The following ARMC2 variants were observed in gnomAD, a reference collection of about 807,000 sequenced individuals.
ARMC2 encodes armadillo repeat containing 2, also known as armadillo repeat-containing protein 2.
ARMC2 carries 67 observed loss-of-function variants against 90.3 expected under a neutral mutation model. That is an observed-to-expected ratio of 0.74 (90% confidence interval 0.61 to 0.91). The LOEUF is 0.91. Among genes scored for constraint, ARMC2 ranks in the 40% least tolerant of loss-of-function variants. ARMC2 has a pLI of 0.00. For missense variants in ARMC2, 920 were observed against 1,030.9 expected, an observed-to-expected ratio of 0.89 and a Z score of 1.47; for synonymous variants, 393 against 393.0, an observed-to-expected ratio of 1.00 and a Z score of 0.00.
intron 5 of ARMC2, among the ~76,000 whole-genome samples, chr6:108,876,715 T>TA (rs1271095761): frequency 6.6e-6 from 1 of 152,222 alleles, no homozygotes; most frequent in Non-Finnish European, 1.5e-5. Context: ...CCCTTTGGGT[T>TA]AGTTCACAGT....
At chr6:109,000,681 CAA>C in the ARMC2 span, 8 of 1,537,150 alleles carry the variant, frequency 5.2e-6, no homozygotes, top group Non-Finnish European at 7.0e-6. Flanking sequence ...AGCCTTAAAA[CAA>C]AAAGATTATT....
chr6:108,880,184 A>G (rs1014945507), intron 5 of ARMC2: 1 of 343,288 alleles, frequency 2.9e-6, no homozygotes, highest in Non-Finnish European at 5.7e-6. Context: ...ACTGCAGTAT[A>G]GGCTTGATTT....
intron 13 of ARMC2, 122 bp downstream of exon 13, chr6:108,953,473 C>T: frequency 1.0e-6 from 1 of 995,076 alleles, no homozygotes; most frequent in Non-Finnish European, 1.4e-6. Context: ...ATGAGAAAGT[C>T]TTAGCTGTAT....
intron 6 of ARMC2, among the ~76,000 whole-genome samples, chr6:108,898,951 A>C (rs536036139): frequency 6.6e-6 from 1 of 152,336 alleles, no homozygotes. Flanking sequence ...ACATGTTTGT[A>C]TACTTGTTTA....
intron 12 of ARMC2, among the ~76,000 whole-genome samples, chr6:108,940,560 C>T (rs1776354546): frequency 6.6e-6 from 1 of 152,128 alleles, no homozygotes; most frequent in South Asian, 2.1e-4. Flanking sequence ...ACCATGTTAC[C>T]TGCTCTTTAC....
chr6:108,970,123 C>A (rs1424874813), intron 17 of ARMC2, among the ~76,000 whole-genome samples: 1 of 152,070 alleles, frequency 6.6e-6, no homozygotes, highest in African/African-American at 2.4e-5. Flanking sequence ...AATTTAATAC[C>A]CCATGTGATA....
At chr6:108,979,316 T>A (rs923585772), downstream of ARMC2, among the ~76,000 whole-genome samples, 26 of 152,214 alleles carry the variant, frequency 1.7e-4, no homozygotes, top group African/African-American at 6.3e-4. Context: ...TGTTGAATAT[T>A]GGCCCCACTC....
the ARMC2 span, among the ~76,000 whole-genome samples, chr6:108,997,674 A>T: frequency 1.3e-5 from 2 of 152,218 alleles, no homozygotes; most frequent in South Asian, 4.1e-4. Flanking sequence ...GCCCGAAGTC[A>T]AATATATAAA....
intron 11 of ARMC2, among the ~76,000 whole-genome samples, chr6:108,934,613 A>G (rs1249981596): frequency 3.9e-5 from 6 of 152,084 alleles, no homozygotes; most frequent in Non-Finnish European, 5.9e-5. Context: ...TCAAAATGCT[A>G]TTTTTATCCA....
the ARMC2 span, among the ~76,000 whole-genome samples, chr6:108,980,165 G>T: frequency 9.9e-5 from 15 of 152,088 alleles, no homozygotes; most frequent in Non-Finnish European, 1.9e-4. Context: ...GTGTCCTTCA[G>T]GTGAGGTCTC....
intron 3 of ARMC2, among the ~76,000 whole-genome samples, chr6:108,867,048 T>A (rs1775889596): frequency 2.0e-5 from 3 of 152,184 alleles, no homozygotes; most frequent in Admixed American, 2.0e-4. Context: ...ACACTGGATG[T>A]TTCAAAAATT....
intron 1 of ARMC2, among the ~76,000 whole-genome samples, chr6:108,850,649 C>T (rs138126272): frequency 5.6e-4 from 85 of 152,352 alleles, no homozygotes; most frequent in African/African-American, 9.4e-4. Flanking sequence ...GTCCAGATTT[C>T]ATAATTCACT....
chr6:108,928,148 A>G lies in ARMC2; in HGVS notation c.1411A>G (p.Ile471Val), dbSNP rs956493677. Residue 471 changes from isoleucine to valine, a missense_variant, in exon 11 of 18, where the codon ATC (isoleucine) becomes GTC (valine). By Grantham distance (29) the Ile-to-Val change is conservative. Transcript: ENST00000392644. Reference protein sequence around the residue: ...SSLVRSKFLNISALPQLCTAM... With the variant: ...SSLVRSKFLNVSALPQLCTAM... ...ATTAGTAAGAAGTAAGTTCCTAAACATCAGTGCCCTTCCCCAGCTCTGCAC... is the reference window on the plus strand; with the variant it reads ...ATTAGTAAGAAGTAAGTTCCTAAACGTCAGTGCCCTTCCCCAGCTCTGCAC... 1 of 1,613,662 alleles carries G rather than the reference A, an allele frequency of 6.2e-7. No individual in the cohort carries two copies. The highest frequency in any genetic ancestry group is 8.5e-7 in the Non-Finnish European group (1 of 1,179,746).
At chr6:108,962,560 G>A (rs780836900) in intron 15 of ARMC2, among the ~76,000 whole-genome samples, 1 of 152,180 alleles carries the variant, frequency 6.6e-6, no homozygotes, top group Non-Finnish European at 1.5e-5. Context: ...AAAAGCAATA[G>A]GAGGATATAT....
chr6:108,872,719 A>G (rs550292568), intron 4 of ARMC2, among the ~76,000 whole-genome samples: 1 of 152,320 alleles, frequency 6.6e-6, no homozygotes, highest in East Asian at 1.9e-4. Context: ...GGAAGCAAAT[A>G]AAGATCAGAT....
chr6:108,884,592 A>G (rs997022135), intron 5 of ARMC2, among the ~76,000 whole-genome samples: 2 of 152,244 alleles, frequency 1.3e-5, no homozygotes, highest in African/African-American at 4.8e-5. Context: ...AAGGAGGAGC[A>G]TAAGCCAGAA....
chr6:108,985,396 G>A, the ARMC2 span, among the ~76,000 whole-genome samples: 1 of 152,072 alleles, frequency 6.6e-6, no homozygotes, highest in African/African-American at 2.4e-5. Context: ...TATCCCCAGT[G>A]TAATGTACCT....
At chr6:108,916,140 G>A (rs753815242) in intron 10 of ARMC2, among the ~76,000 whole-genome samples, 5 of 152,152 alleles carry the variant, frequency 3.3e-5, no homozygotes, top group African/African-American at 7.2e-5. Context: ...TTACATATAT[G>A]TATACGTATG....
In ARMC2 at chr6:108,880,583, G is replaced by A. The variant is rs957301954; in HGVS notation, c.671+4233G>A. On this transcript the variant is annotated intron_variant, in intron 5 of 17. Transcript: ENST00000392644. ...AGGAACGAAGATAATGATCAAGTTC[G>A]AGGATGACATATAAACCTCTAGATC... Among the ~76,000 whole-genome samples, 5 of 152,200 alleles carry A rather than the reference G, an allele frequency of 3.3e-5. No individual in the cohort carries two copies. In the East Asian group the frequency reaches 5.8e-4, roughly 18 times the overall value.
Sources: allele counts gnomAD v4.1 joint callset (sites outside exome capture counted in the v4.1 genomes callset), GRCh38; gene constraint gnomAD v4.1.1; transcripts MANE v1.5; gene names NCBI Gene and HGNC (gene_info 2026-07-23, HGNC 2026-07-21).